CCDC102B: variants seen among roughly 807,000 people sequenced by gnomAD.
CCDC102B encodes the protein coiled-coil domain-containing protein 102B.
Under a neutral mutation model 57.4 loss-of-function variants are expected in CCDC102B, and 75 were observed. That is an observed-to-expected ratio of 1.31 (90% CI 1.08 to 1.58). The LOEUF (loss-of-function observed/expected upper bound fraction) is 1.58, where lower values mean the gene tolerates loss of function less well. Among genes scored for constraint, CCDC102B ranks in the 40% most tolerant of loss-of-function variants. The pLI, the probability that CCDC102B is intolerant of heterozygous loss-of-function variation, is 0.00. For missense variants in CCDC102B, 636 were observed against 582.6 expected (o/e 1.09, Z -0.94); for synonymous variants, 206 against 201.9 (o/e 1.02, Z -0.17).
rs1432372096 is a variant in CCDC102B, at chr18:69,046,356, A to C, written c.1435-7674A>C. ...TTGCATTTCTCTAATAATTAGGCTGAGCATTTTATAATATGCTTATTGGAT... is the reference window on the plus strand; with the variant it reads ...TTGCATTTCTCTAATAATTAGGCTGCGCATTTTATAATATGCTTATTGGAT... On this transcript the variant is annotated intron_variant, in intron 7 of 7. Transcript: ENST00000360242. Among the ~76,000 whole-genome samples, 3 of 152,102 alleles carry C rather than the reference A, an allele frequency of 2.0e-5. No individual in the cohort carries two copies. In the East Asian group the frequency reaches 5.8e-4, roughly 29 times the overall value.
intron 6 of CCDC102B, among the ~76,000 whole-genome samples, chr18:68,967,878 T>G (rs2145250048): frequency 6.6e-6 from 1 of 152,274 alleles, no homozygotes; most frequent in South Asian, 2.1e-4. Context: ...GGGAGTCATT[T>G]TTTGTATAAA....
intron 5 of CCDC102B, among the ~76,000 whole-genome samples, chr18:68,886,650 A>G (rs1192096936): frequency 2.0e-5 from 3 of 152,156 alleles, no homozygotes; most frequent in Non-Finnish European, 4.4e-5. Context: ...TTTTTGTTCT[A>G]GAAAAGATTT....
chr18:69,054,100 A>T lies in CCDC102B; in HGVS notation c.1505A>T (p.Asn502Ile). 1 of 1,607,510 alleles carries T rather than the reference A, an allele frequency of 6.2e-7. No homozygotes were observed. The highest frequency in any genetic ancestry group is 1.3e-5 in the African/African-American group (1 of 74,664). The change falls in exon 8 of 8, where the codon AAC (asparagine) becomes ATC (isoleucine). Residue 502 changes from asparagine (N) to isoleucine (I), a missense_variant. Asn to Ile is a moderately radical substitution (Grantham distance 149). Transcript: ENST00000360242. ...SLDEEKERNE[N>I]LETELRHLQN... ...GATGAAGAGAAAGAAAGAAATGAAA[A>T]CTTAGAGACTGAACTCAGGCACTTG...
At chr18:68,911,677 G>A (rs958135109) in intron 6 of CCDC102B, among the ~76,000 whole-genome samples, 81 of 138,424 alleles carry the variant, frequency 5.9e-4, no homozygotes, top group East Asian at 1.7e-3. Context: ...GCGTGAACCC[G>A]GGAGGCGGAG....
intron 5 of CCDC102B, among the ~76,000 whole-genome samples, chr18:68,892,850 A>G (rs1488342490): frequency 2.6e-5 from 4 of 152,344 alleles, no homozygotes; most frequent in East Asian, 3.9e-4. Context: ...TATAACATCA[A>G]TACATATGTA....
In CCDC102B at chr18:68,958,544, T is replaced by C. The variant is rs184024963; in HGVS notation, c.1264-52390T>C. ...TTGCATCAATCATCATCAGAGATAT[T>C]GATATTGACCTATAGTTTTCTTTTA... On this transcript the variant is annotated intron_variant, in intron 6 of 7. Coordinates refer to ENST00000360242, the MANE Select transcript of CCDC102B (RefSeq NM_024781.3). Among the ~76,000 whole-genome samples, 78 of 152,300 alleles carry C rather than the reference T, an allele frequency of 5.1e-4. 1 individual carries two copies. Among genetic ancestry groups the C allele is most frequent in the African/African-American group, 1.7e-3 (72 of 41,574 alleles).
At chr18:68,811,384 G>T (rs190785885) in intron 1 of CCDC102B, among the ~76,000 whole-genome samples, 40 of 152,296 alleles carry the variant, frequency 2.6e-4, no homozygotes, top group Non-Finnish European at 4.4e-4. Context: ...ACTTCGTGAG[G>T]TGGGCAGATC....
intron 2 of CCDC102B, among the ~76,000 whole-genome samples, chr18:68,746,578 A>T (rs2033628523): frequency 6.6e-6 from 1 of 152,120 alleles, no homozygotes; most frequent in Admixed American, 6.6e-5. Context: ...CATTTCAAGA[A>T]AAACACAATT....
intron 6 of CCDC102B, among the ~76,000 whole-genome samples, chr18:68,902,407 C>T (rs146885476): frequency 6.6e-6 from 1 of 152,298 alleles, no homozygotes; most frequent in Non-Finnish European, 1.5e-5. Flanking sequence ...GGTAGGAAAT[C>T]AAAAAGCAGC....
downstream of CCDC102B, among the ~76,000 whole-genome samples, chr18:69,056,520 T>G: frequency 6.6e-6 from 1 of 152,106 alleles, no homozygotes; most frequent in East Asian, 1.9e-4. Context: ...TGTCTCCTAC[T>G]CATCCTTTTT....
intron 2 of CCDC102B, among the ~76,000 whole-genome samples, chr18:68,782,572 T>C (rs1421178710): frequency 6.6e-6 from 1 of 152,080 alleles, no homozygotes; most frequent in African/African-American, 2.4e-5. Context: ...AGAGTTATGA[T>C]ATCCTCAGCT....
chr18:68,865,379 C>G (rs111552548), intron 4 of CCDC102B, among the ~76,000 whole-genome samples: 40 of 152,194 alleles, frequency 2.6e-4, no homozygotes, highest in African/African-American at 9.4e-4. Context: ...TTGTTATAGG[C>G]ATCTACAATT....
intron 7 of CCDC102B, 51 bp from the exon 8 acceptor site, chr18:69,053,978 TG>T: frequency 7.3e-7 from 1 of 1,372,468 alleles, no homozygotes; most frequent in Non-Finnish European, 1.0e-6. Flanking sequence ...GCCACCATGA[TG>T]TACTATAGAA....
At chr18:69,040,448 A>C (rs938194829) in intron 7 of CCDC102B, among the ~76,000 whole-genome samples, 1 of 148,724 alleles carries the variant, frequency 6.7e-6, no homozygotes, top group African/African-American at 2.5e-5. Flanking sequence ...TGGCTTCCTC[A>C]GTGTTAAATT....
At chr18:68,760,100 A>C (rs2034203744) in intron 2 of CCDC102B, among the ~76,000 whole-genome samples, 1 of 152,064 alleles carries the variant, frequency 6.6e-6, no homozygotes, top group African/African-American at 2.4e-5. Context: ...TGCATTTCCT[A>C]ATAAACCTCC....
intron 7 of CCDC102B, among the ~76,000 whole-genome samples, chr18:69,031,252 G>A (rs1231323381): frequency 6.6e-6 from 1 of 152,088 alleles, no homozygotes; most frequent in Non-Finnish European, 1.5e-5. Context: ...CCTTTTTAGT[G>A]ACTTAGGGGG....
At chr18:68,895,938 T>C (rs1317585361) in intron 5 of CCDC102B, among the ~76,000 whole-genome samples, 1 of 151,946 alleles carries the variant, frequency 6.6e-6, no homozygotes, top group East Asian at 1.9e-4. Context: ...AACATACATT[T>C]AAAAAATTTA....
chr18:68,885,058 A>C (rs1019337104), intron 5 of CCDC102B, among the ~76,000 whole-genome samples: 1 of 151,922 alleles, frequency 6.6e-6, no homozygotes, highest in Non-Finnish European at 1.5e-5. Flanking sequence ...AAAGCCCTCT[A>C]TCTAATATCC....
downstream of CCDC102B, among the ~76,000 whole-genome samples, chr18:69,056,636 A>ATAG (rs1555678890): frequency 8.2e-6 from 1 of 121,918 alleles, no homozygotes; most frequent in African/African-American, 2.9e-5. Context: ...ATAGATAGAT[A>ATAG]ATAGATAGAT....
Sources: allele counts gnomAD v4.1 joint callset (sites outside exome capture counted in the v4.1 genomes callset), GRCh38; gene constraint gnomAD v4.1.1; transcripts MANE v1.5; gene names NCBI Gene and HGNC (gene_info 2026-07-23, HGNC 2026-07-21).